The following SDK1 variants were observed in gnomAD, a reference collection of about 807,000 sequenced individuals.
SDK1 encodes sidekick cell adhesion molecule 1.
A neutral mutation model predicts 245.5 loss-of-function variants in SDK1; 157 were observed. The observed-to-expected ratio is 0.64, with a 90% confidence interval of 0.56 to 0.73. The LOEUF (loss-of-function observed/expected upper bound fraction) is 0.73. Among genes scored for constraint, SDK1 ranks in the 30% least tolerant of loss-of-function variants. The pLI, the probability that SDK1 is intolerant of heterozygous loss-of-function variation, is 0.00. For synonymous variants in SDK1, 1,647 were observed against 1,278.5 expected, an observed-to-expected ratio of 1.29 and a Z score of -6.15; for missense variants, 3,583 against 3,002.3, an observed-to-expected ratio of 1.19 and a Z score of -4.52.
chr7:4,246,950 C>T (rs542510017), intron 44 of SDK1, among the ~76,000 whole-genome samples: 1 of 152,322 alleles, frequency 6.6e-6, no homozygotes, highest in South Asian at 2.1e-4. Context: ...GCTCAACACA[C>T]CTTCCCTACA....
At position 3,600,988 on chromosome 7, in the gene SDK1, T is replaced by G. The variant is rs555890064; in HGVS notation, c.299-18092T>G. On this transcript the variant is annotated intron_variant, in intron 1 of 44. Transcript: ENST00000404826. ...TGCCTCAATTGATAGCTCACCTAAT[T>G]TTTTTCCTTATCCCATTGATGTGGT... Among the ~76,000 whole-genome samples the G allele has an allele frequency of 3.9e-5, 6 of 152,130 alleles. No homozygotes were observed. The South Asian group carries it at 1.2e-3, about 32-fold the overall frequency.
At chr7:4,013,320 A>G (rs1354744834) in intron 16 of SDK1, among the ~76,000 whole-genome samples, 1 of 152,264 alleles carries the variant, frequency 6.6e-6, no homozygotes, top group African/African-American at 2.4e-5. Flanking sequence ...AAGTAAAAGC[A>G]AAAGTAAAGC....
chr7:3,606,506 T>G (rs78835126), intron 1 of SDK1, among the ~76,000 whole-genome samples: 1,865 of 152,262 alleles, frequency 0.012, 10 homozygotes, highest in Non-Finnish European at 0.019. Context: ...CTCTTACTTT[T>G]TACCCTCATC....
At chr7:3,972,049 G>A (rs999542472) in intron 12 of SDK1, among the ~76,000 whole-genome samples, 6 of 150,822 alleles carry the variant, frequency 4.0e-5, no homozygotes, top group African/African-American at 1.5e-4. Flanking sequence ...GAAGGTGCAT[G>A]CCAAGAGGGA....
chr7:3,455,724 C>G (rs528485130), intron 1 of SDK1, among the ~76,000 whole-genome samples: 1 of 152,092 alleles, frequency 6.6e-6, no homozygotes, highest in African/African-American at 2.4e-5. Flanking sequence ...ATTCTTCTCA[C>G]TTTATTCTCT....
At chr7:3,672,795 A>ATATATATATATATAT (rs55676850) in intron 4 of SDK1, among the ~76,000 whole-genome samples, 29 of 67,108 alleles carry the variant, frequency 4.3e-4, no homozygotes, top group South Asian at 1.1e-3. Context: ...ATATATATAT[A>ATATATATATATATAT]AAAAATACAG....
At chr7:4,142,255 T>G (rs531435165) in intron 28 of SDK1, among the ~76,000 whole-genome samples, 1 of 152,284 alleles carries the variant, frequency 6.6e-6, no homozygotes, top group East Asian at 1.9e-4. Flanking sequence ...GGAACGATAT[T>G]CAGATGCCTG....
At chr7:3,400,965 C>A (rs143510778) in intron 1 of SDK1, among the ~76,000 whole-genome samples, 6 of 152,138 alleles carry the variant, frequency 3.9e-5, no homozygotes, top group Admixed American at 3.9e-4. Flanking sequence ...CAGGACAGGA[C>A]AGTGATGATG....
intron 1 of SDK1, among the ~76,000 whole-genome samples, chr7:3,360,012 T>G (rs956269560): frequency 1.3e-5 from 2 of 152,192 alleles, no homozygotes; most frequent in Non-Finnish European, 2.9e-5. Context: ...ACACTTTGTT[T>G]TGCTTCTGGT....
At chr7:4,155,517 A>G (rs529934047) in intron 30 of SDK1, among the ~76,000 whole-genome samples, 2 of 152,368 alleles carry the variant, frequency 1.3e-5, no homozygotes, top group South Asian at 4.1e-4. Flanking sequence ...CCCAAATCAT[A>G]GCAAAGTGTG....
intron 35 of SDK1, among the ~76,000 whole-genome samples, chr7:4,203,576 A>G (rs1277075424): frequency 6.6e-6 from 1 of 151,736 alleles, no homozygotes; most frequent in African/African-American, 2.4e-5. Context: ...TCATCCTTAC[A>G]CCGCAAATGC....
intron 1 of SDK1, among the ~76,000 whole-genome samples, chr7:3,501,067 A>G (rs949795581): frequency 6.6e-6 from 1 of 152,172 alleles, no homozygotes; most frequent in Non-Finnish European, 1.5e-5. Flanking sequence ...CTTTTCTTAG[A>G]TGACTGTTCA....
rs1788438406 is a variant in SDK1, at chr7:4,265,890, C to G, written c.*506C>G. The G allele has an allele frequency of 1.0e-6, 1 of 986,722 alleles. No homozygotes were observed. The highest frequency in any genetic ancestry group is 4.7e-5 in the South Asian group (1 of 21,328). The allele number at this position is 986,722 out of a possible 1,614,324, so 61.1% of individuals were successfully genotyped here. On this transcript the variant is annotated 3_prime_UTR_variant, in exon 45 of 45. Coordinates refer to ENST00000404826, the MANE Select transcript of SDK1 (RefSeq NM_152744.4). ...GGGGTTTGAAGAGCAAACGTTTTTC[C>G]CTGGGCTCAGTGCGTTTTGTCCCAA... is the stretch of plus-strand genomic sequence containing the variant.
Position 3,919,156 on chromosome 7 carries a change from C to A in SDK1, c.848-31767C>A, listed in dbSNP as rs577328843. On this transcript the variant is annotated intron_variant, in intron 5 of 44. Transcript: ENST00000404826. Reference sequence around the variant, plus strand: ...ATCTCCCTCTGCCTCCTTTCACCTTCCCCCTGCCTGATGTTACAAACTGAA... The same window carrying A: ...ATCTCCCTCTGCCTCCTTTCACCTTACCCCTGCCTGATGTTACAAACTGAA... 5.3e-5 allele frequency among the ~76,000 whole-genome samples: 8 copies of A among 152,336 alleles called. No individual in the cohort carries two copies. The South Asian group carries it at 1.7e-3, about 32-fold the overall frequency.
chr7:3,868,524 A>G (rs76867104), intron 5 of SDK1, among the ~76,000 whole-genome samples: 1 of 152,228 alleles, frequency 6.6e-6, no homozygotes, highest in Non-Finnish European at 1.5e-5. Flanking sequence ...TTACTGTTAG[A>G]CAAAATAGAT....
intron 1 of SDK1, among the ~76,000 whole-genome samples, chr7:3,478,002 T>A (rs1781398949): frequency 6.6e-6 from 1 of 152,208 alleles, no homozygotes. Context: ...TGTATTGAAT[T>A]ATATCCTTCC....
chr7:3,901,222 C>G (rs1238464726), intron 5 of SDK1, among the ~76,000 whole-genome samples: 2 of 151,454 alleles, frequency 1.3e-5, no homozygotes, highest in Non-Finnish European at 2.9e-5. Flanking sequence ...GAGTCTTGCT[C>G]TGTCACCAAG....
chr7:3,506,874 ATTCC>A (rs559522201), intron 1 of SDK1, among the ~76,000 whole-genome samples: 1 of 150,840 alleles, frequency 6.6e-6, no homozygotes, highest in East Asian at 1.9e-4. Context: ...ATTCATTTGA[ATTCC>A]TTCCTTATTA....
chr7:3,968,235 C>T (rs988115307), intron 10 of SDK1, among the ~76,000 whole-genome samples: 12 of 152,196 alleles, frequency 7.9e-5, no homozygotes, highest in African/African-American at 2.9e-4. Flanking sequence ...ACGCTTCAGC[C>T]CACTGTGGGT....
Sources: allele counts gnomAD v4.1 joint callset (sites outside exome capture counted in the v4.1 genomes callset), GRCh38; gene constraint gnomAD v4.1.1; transcripts MANE v1.5; gene names NCBI Gene and HGNC (gene_info 2026-07-23, HGNC 2026-07-21).